Variants in TRAPPC9 observed in about 807,000 individuals in gnomAD.
TRAPPC9 encodes the protein trafficking protein particle complex subunit 9, also known as IKK2 binding protein.
TRAPPC9 carries 83 observed loss-of-function variants against 124.0 expected under a neutral mutation model. The observed-to-expected ratio is 0.67, with a 90% confidence interval of 0.56 to 0.80. The LOEUF is 0.80. TRAPPC9 is among the 30% of genes least tolerant of loss of function. The pLI is 0.00. For synonymous variants in TRAPPC9, 638 were observed against 617.5 expected, an observed-to-expected ratio of 1.03 and a Z score of -0.49; for missense variants, 1,302 against 1,508.3, an observed-to-expected ratio of 0.86 and a Z score of 2.27.
chr8:140,406,982 A>G (rs893376815), intron 5 of TRAPPC9, among the ~76,000 whole-genome samples: 1 of 152,252 alleles, frequency 6.6e-6, no homozygotes, highest in African/African-American at 2.4e-5. Flanking sequence ...CCCAGGTACC[A>G]GGCACCCCTT....
intron 18 of TRAPPC9, among the ~76,000 whole-genome samples, chr8:140,000,462 A>G (rs567454519): frequency 6.6e-6 from 1 of 152,388 alleles, no homozygotes; most frequent in South Asian, 2.1e-4. Flanking sequence ...AGAATGGGAG[A>G]AAATTTTTGC....
intron 5 of TRAPPC9, among the ~76,000 whole-genome samples, chr8:140,421,817 T>C (rs1332429529): frequency 6.6e-6 from 1 of 152,124 alleles, no homozygotes; most frequent in Non-Finnish European, 1.5e-5. Flanking sequence ...ATTAGTGTGA[T>C]GACCAGAAAA....
chr8:139,801,828 G>A (rs997689028), intron 21 of TRAPPC9, among the ~76,000 whole-genome samples: 3 of 152,128 alleles, frequency 2.0e-5, no homozygotes, highest in Admixed American at 6.5e-5. Flanking sequence ...TGGGATTTGC[G>A]GAGCATGCAA....
At chr8:140,320,493 C>A (rs2066562954) in intron 9 of TRAPPC9, among the ~76,000 whole-genome samples, 1 of 152,170 alleles carries the variant, frequency 6.6e-6, no homozygotes, top group Admixed American at 6.5e-5. Flanking sequence ...GGAGGCCACG[C>A]CAAACGTCCA....
At chr8:139,791,972 C>T (rs1429983986) in intron 21 of TRAPPC9, among the ~76,000 whole-genome samples, 1 of 152,196 alleles carries the variant, frequency 6.6e-6, no homozygotes, top group Non-Finnish European at 1.5e-5. Flanking sequence ...CCAGGAGCTA[C>T]TTGTCCATAC....
At chr8:140,185,571 T>C (rs754039675) in intron 17 of TRAPPC9, among the ~76,000 whole-genome samples, 3 of 152,180 alleles carry the variant, frequency 2.0e-5, no homozygotes, top group Non-Finnish European at 4.4e-5. Flanking sequence ...CCATCACTCC[T>C]GCCGTGTCCC....
chr8:139,866,098 A>C (rs200215543), intron 21 of TRAPPC9, among the ~76,000 whole-genome samples: 30,790 of 152,118 alleles, frequency 0.2, 3,786 homozygotes, highest in East Asian at 0.43. Context: ...ACCTGGGATC[A>C]AAGGAATGTC....
chr8:139,766,277 G>A (rs1488353371), intron 21 of TRAPPC9, among the ~76,000 whole-genome samples: 6 of 152,104 alleles, frequency 3.9e-5, no homozygotes, highest in African/African-American at 1.4e-4. Context: ...AAAAGGAGGG[G>A]GCAGGCCAGG....
chr8:140,106,513 G>A (rs1427693014), intron 17 of TRAPPC9, among the ~76,000 whole-genome samples: 2 of 152,142 alleles, frequency 1.3e-5, no homozygotes, highest in African/African-American at 4.8e-5. Flanking sequence ...CGGCCTATGG[G>A]GCTGCTGGGA....
In TRAPPC9 at chr8:140,155,340, C is replaced by T. The variant is rs148664400; in HGVS notation, c.2556+66119G>A. On this transcript the variant is annotated intron_variant, in intron 17 of 22. Coordinates refer to ENST00000438773, the MANE Select transcript of TRAPPC9 (RefSeq NM_001160372.4). ...GACCAGGACCCATGAGTGGAAGCTG[C>T]GGGTGGTAGCTACGGGAAAAAGCGT... 9.8e-3 allele frequency among the ~76,000 whole-genome samples: 1,494 copies of T among 152,242 alleles called. 25 individuals are homozygous for T. Among genetic ancestry groups the T allele is most frequent in the African/African-American group, 0.034 (1,393 of 41,542 alleles).
At chr8:140,270,064 C>T (rs1004126845) in intron 15 of TRAPPC9, among the ~76,000 whole-genome samples, 1 of 151,970 alleles carries the variant, frequency 6.6e-6, no homozygotes, top group Non-Finnish European at 1.5e-5. Flanking sequence ...CACGCCACTG[C>T]ACTCCAGCCT....
At chr8:139,758,303 A>G (rs1054112607) in intron 21 of TRAPPC9, among the ~76,000 whole-genome samples, 1 of 152,190 alleles carries the variant, frequency 6.6e-6, no homozygotes, top group East Asian at 1.9e-4. Context: ...TGGGACTCAC[A>G]CTGAGCATGC....
At chr8:140,126,703 G>A (rs1333063135) in intron 17 of TRAPPC9, among the ~76,000 whole-genome samples, 1 of 152,202 alleles carries the variant, frequency 6.6e-6, no homozygotes, top group Non-Finnish European at 1.5e-5. Flanking sequence ...TAAGTAGCGA[G>A]AAGTAGCTCA....
At chr8:139,759,354 C>T (rs1384817960) in intron 21 of TRAPPC9, among the ~76,000 whole-genome samples, 1 of 152,128 alleles carries the variant, frequency 6.6e-6, no homozygotes, top group Admixed American at 6.5e-5. Flanking sequence ...ATACATGGTC[C>T]CCTGGAATCC....
chr8:139,824,463 C>G (rs10095006), intron 21 of TRAPPC9, among the ~76,000 whole-genome samples: 23,480 of 152,254 alleles, frequency 0.15, 2,424 homozygotes, highest in East Asian at 0.44. Flanking sequence ...AAACCCACGT[C>G]TGAGCAGGGC....
intron 15 of TRAPPC9, among the ~76,000 whole-genome samples, chr8:140,266,070 A>G (rs1248944420): frequency 6.6e-6 from 1 of 152,218 alleles, no homozygotes; most frequent in East Asian, 1.9e-4. Flanking sequence ...AAGCTAATAT[A>G]GTCAATGTTT....
In TRAPPC9 at chr8:140,257,111, G is replaced by T. The variant is rs2064284048; in HGVS notation, c.2279-4182C>A. ...GCATGAGTCTCCGCCATAGTGCAGAGTAGTTAGCTTACAGCATACCCTTAG... is the reference window on the plus strand; with the variant it reads ...GCATGAGTCTCCGCCATAGTGCAGATTAGTTAGCTTACAGCATACCCTTAG... On this transcript the variant is annotated intron_variant, in intron 15 of 22. Coordinates refer to ENST00000438773, the MANE Select transcript of TRAPPC9 (RefSeq NM_001160372.4). This position sits in a 1 kb window ranked among gnomAD's most constrained non-coding sequence, Gnocchi z 4.6. 6.6e-6 allele frequency among the ~76,000 whole-genome samples: 1 copy of T among 152,220 alleles called. No homozygotes were observed. Among genetic ancestry groups the T allele is most frequent in the Admixed American group, 6.5e-5 (1 of 15,288 alleles).
intron 16 of TRAPPC9, among the ~76,000 whole-genome samples, chr8:140,242,541 T>C (rs541187939): frequency 6.6e-6 from 1 of 152,218 alleles, no homozygotes; most frequent in East Asian, 1.9e-4. Context: ...AGAATGACAA[T>C]CCATCAGAGT....
intron 17 of TRAPPC9, among the ~76,000 whole-genome samples, chr8:140,080,055 G>A (rs768163465): frequency 2.0e-5 from 3 of 152,334 alleles, no homozygotes; most frequent in Non-Finnish European, 4.4e-5. Context: ...TTTGCTTTAA[G>A]AAATGACACC....
Sources: allele counts gnomAD v4.1 joint callset (sites outside exome capture counted in the v4.1 genomes callset), GRCh38; gene constraint gnomAD v4.1.1; non-coding constraint Gnocchi (gnomAD v3.1); transcripts MANE v1.5; gene names NCBI Gene and HGNC (gene_info 2026-07-23, HGNC 2026-07-21).